The following CTNNA3 variants were observed in gnomAD, a reference collection of about 807,000 sequenced individuals.
CTNNA3 encodes catenin alpha-3.
In CTNNA3, 76 loss-of-function variants were observed where a neutral mutation model predicts 95.7. The ratio of observed to expected loss-of-function variants is 0.79; its 90% CI spans 0.66 to 0.96. The LOEUF (loss-of-function observed/expected upper bound fraction) is 0.96. Ranked by LOEUF, CTNNA3 falls within the 40% of genes least tolerant of loss-of-function variation. The pLI is 0.00. For missense variants in CTNNA3, 1,191 were observed against 1,089.8 expected (o/e 1.09, Z -1.31); for synonymous variants, 431 against 374.4 (o/e 1.15, Z -1.74).
At chr10:67,231,118 A>C (rs1213557005) in intron 5 of CTNNA3, among the ~76,000 whole-genome samples, 1 of 152,216 alleles carries the variant, frequency 6.6e-6, no homozygotes, top group Admixed American at 6.5e-5. Context: ...GCCATTGCCC[A>C]GGCCTGCTTA....
intron 1 of CTNNA3, among the ~76,000 whole-genome samples, chr10:67,741,433 A>G (rs1200559942): frequency 6.6e-6 from 1 of 150,918 alleles, no homozygotes; most frequent in Non-Finnish European, 1.5e-5. Context: ...GAGAAATAAA[A>G]TACTTTACAG....
chr10:67,037,509 G>A (rs1854134451), intron 7 of CTNNA3, among the ~76,000 whole-genome samples: 1 of 152,054 alleles, frequency 6.6e-6, no homozygotes, highest in Non-Finnish European at 1.5e-5. Context: ...AGATGTTTAG[G>A]TAGAGGAGTG....
intron 6 of CTNNA3, among the ~76,000 whole-genome samples, chr10:67,205,231 G>A (rs1863841762): frequency 6.6e-6 from 1 of 152,108 alleles, no homozygotes; most frequent in African/African-American, 2.4e-5. Flanking sequence ...ATGGGGGTTG[G>A]TTATATCAGA....
At chr10:67,379,232 A>G (rs1843819025) in intron 5 of CTNNA3, among the ~76,000 whole-genome samples, 1 of 152,196 alleles carries the variant, frequency 6.6e-6, no homozygotes. Context: ...CACATTGTAT[A>G]GTGAAAATAG....
chr10:66,633,929 A>G (rs1292268141), intron 9 of CTNNA3, among the ~76,000 whole-genome samples: 3 of 152,118 alleles, frequency 2.0e-5, no homozygotes, highest in Non-Finnish European at 4.4e-5. Flanking sequence ...ATAGTCCTAT[A>G]TGTATTGGTG....
intron 15 of CTNNA3, among the ~76,000 whole-genome samples, chr10:66,042,681 C>T (rs1431093123): frequency 6.6e-6 from 1 of 151,736 alleles, no homozygotes; most frequent in Non-Finnish European, 1.5e-5. Flanking sequence ...GGGTGGATCA[C>T]TTGACGTCAG....
chr10:67,558,552 G>A (rs1436147285), intron 3 of CTNNA3, among the ~76,000 whole-genome samples: 5 of 152,206 alleles, frequency 3.3e-5, no homozygotes, highest in East Asian at 3.9e-4. Flanking sequence ...AGCTCCCAGC[G>A]TGAGCGACGC....
chr10:67,700,961 G>A (rs935230064), upstream of CTNNA3, among the ~76,000 whole-genome samples: 3 of 152,176 alleles, frequency 2.0e-5, no homozygotes, highest in Admixed American at 6.5e-5. Flanking sequence ...GCCAAGGCTC[G>A]AGAACTACGT....
At chr10:67,555,935 C>A (rs946880160) in intron 3 of CTNNA3, among the ~76,000 whole-genome samples, 5 of 152,122 alleles carry the variant, frequency 3.3e-5, no homozygotes, top group South Asian at 4.1e-4. Context: ...CCAATGAATA[C>A]CTAATTTATT....
At chr10:66,445,663 C>T (rs150209474) in intron 11 of CTNNA3, among the ~76,000 whole-genome samples, 6,680 of 151,890 alleles carry the variant, frequency 0.044, 389 homozygotes, top group East Asian at 0.23. Flanking sequence ...CTCTGGGACA[C>T]GTTCAAAGCA....
At chr10:66,114,038 C>A (rs1478365868) in intron 13 of CTNNA3, among the ~76,000 whole-genome samples, 1 of 152,150 alleles carries the variant, frequency 6.6e-6, no homozygotes, top group Non-Finnish European at 1.5e-5. Context: ...TGGCTAGAAA[C>A]ACACCCTGAC....
chr10:65,943,523 G>A (rs1051696821), intron 17 of CTNNA3, among the ~76,000 whole-genome samples: 4 of 152,088 alleles, frequency 2.6e-5, no homozygotes, highest in Non-Finnish European at 5.9e-5. Context: ...AAACCTATTC[G>A]CTGCATGCAA....
At chr10:67,636,155 A>G (rs1406600878) in intron 2 of CTNNA3, among the ~76,000 whole-genome samples, 1 of 152,190 alleles carries the variant, frequency 6.6e-6, no homozygotes, top group African/African-American at 2.4e-5. Context: ...TCACTGCTCA[A>G]AGAAATCAGA....
At chr10:66,758,687 C>T (rs1839476405) in intron 9 of CTNNA3, among the ~76,000 whole-genome samples, 1 of 152,162 alleles carries the variant, frequency 6.6e-6, no homozygotes, top group South Asian at 2.1e-4. Flanking sequence ...GTAATCTCAG[C>T]ACTTTGGGAA....
At chr10:67,228,203 C>A (rs1341604298) in intron 5 of CTNNA3, among the ~76,000 whole-genome samples, 1 of 152,016 alleles carries the variant, frequency 6.6e-6, no homozygotes, top group African/African-American at 2.4e-5. Context: ...GAAATCGAAA[C>A]AAAATGAAAA....
chr10:66,072,303 A>G (rs1469128823), intron 14 of CTNNA3, among the ~76,000 whole-genome samples: 1 of 152,204 alleles, frequency 6.6e-6, no homozygotes, highest in Non-Finnish European at 1.5e-5. Context: ...CCTGTTGACT[A>G]CAATTTGCCA....
intron 12 of CTNNA3, among the ~76,000 whole-genome samples, chr10:66,363,744 T>C (rs1242757668): frequency 2.0e-5 from 3 of 152,226 alleles, no homozygotes; most frequent in East Asian, 1.9e-4. Flanking sequence ...ATATTGCACA[T>C]TAACATATTT....
At chr10:67,635,972 C>CA (rs1190414176) in intron 2 of CTNNA3, among the ~76,000 whole-genome samples, 1 of 152,156 alleles carries the variant, frequency 6.6e-6, no homozygotes, top group Non-Finnish European at 1.5e-5. Flanking sequence ...AGCAAAGTCT[C>CA]AGGATATAAA....
intron 7 of CTNNA3, among the ~76,000 whole-genome samples, chr10:67,043,848 G>C (rs188418108): frequency 6.6e-6 from 1 of 151,256 alleles, no homozygotes; most frequent in African/African-American, 2.4e-5. Flanking sequence ...TTTTTTTTCT[G>C]TTTACTTCTA....
Sources: allele counts gnomAD v4.1 joint callset (sites outside exome capture counted in the v4.1 genomes callset), GRCh38; gene constraint gnomAD v4.1.1; transcripts MANE v1.5; gene names NCBI Gene and HGNC (gene_info 2026-07-23, HGNC 2026-07-21).